Variants in ZCCHC8 observed in about 807,000 individuals in gnomAD.
ZCCHC8 encodes the protein zinc finger CCHC-type containing 8.
A neutral mutation model predicts 70.6 loss-of-function variants in ZCCHC8; 27 were observed. The ratio of observed to expected loss-of-function variants is 0.38; its 90% CI spans 0.28 to 0.53. The LOEUF (loss-of-function observed/expected upper bound fraction) is 0.53, where lower values mean the gene tolerates loss of function less well. ZCCHC8 is among the 20% of genes least tolerant of loss of function. The pLI is 0.81. For synonymous variants in ZCCHC8, 293 were observed against 317.4 expected (o/e 0.92, Z 0.82); for missense variants, 737 against 876.9 (o/e 0.84, Z 2.01).
intron 13 of ZCCHC8, among the ~76,000 whole-genome samples, chr12:122,477,360 T>C (rs1258280703): frequency 6.6e-6 from 1 of 150,796 alleles, no homozygotes; most frequent in Non-Finnish European, 1.5e-5. Flanking sequence ...TTCACCATGT[T>C]TGCCAGGATT....
At chr12:122,476,743 C>T (rs1481229755) in intron 13 of ZCCHC8, among the ~76,000 whole-genome samples, 1 of 152,134 alleles carries the variant, frequency 6.6e-6, no homozygotes, top group Non-Finnish European at 1.5e-5. Flanking sequence ...CAACCATGGG[C>T]CAGGCACGGT....
rs1400291560 is a variant in ZCCHC8, at chr12:122,482,645, T to C, written c.722A>G (p.Asp241Gly). 2 of 1,605,884 alleles carry C rather than the reference T, an allele frequency of 1.2e-6. No individual in the cohort carries two copies. The highest frequency in any genetic ancestry group is 1.7e-6 in the Non-Finnish European group (2 of 1,175,490). Reference protein sequence around the residue: ...NCGSEEHQMKDCPMPRNAARI... With the variant: ...NCGSEEHQMKGCPMPRNAARI... ...ATGAGAAAAATTTACCATTGGGCAA[T>C]CTTTCATTTGGTGTTCTTCAGAACC... The change falls in exon 8 of 14, where the codon GAT becomes GGT. Residue 241 changes from aspartate to glycine, a missense_variant. By Grantham distance (94) the Asp-to-Gly change is moderately conservative. Coordinates refer to ENST00000633063, the MANE Select transcript of ZCCHC8 (RefSeq NM_017612.5).
At position 122,478,256 on chromosome 12, in the gene ZCCHC8, A is replaced by G. The variant is rs1248555902; in HGVS notation, c.1177T>C (p.Cys393Arg). 6.2e-7 allele frequency: 1 copy of G among 1,602,996 alleles called. No individual in the cohort carries two copies. The highest frequency in any genetic ancestry group is 1.3e-5 in the African/African-American group (1 of 74,778). Residue 393 changes from cysteine (C) to arginine (R), a missense_variant, in exon 12 of 14, where the codon TGT becomes CGT. Coordinates refer to ENST00000633063, the MANE Select transcript of ZCCHC8 (RefSeq NM_017612.5). The part of the protein sequence containing the change: ...RIFGSIPMQA[C>R]QQKDVFANYL... ...TTGGCAAACACATCCTTCTGCTGAC[A>G]TGCCTGCATTGGTATGGAACCAAAG...
intron 13 of ZCCHC8, 146 bp downstream of exon 13, chr12:122,477,695 G>A: frequency 1.5e-6 from 1 of 658,344 alleles, no homozygotes; most frequent in South Asian, 1.7e-5. Context: ...GGAGGCTGAG[G>A]CGGGAGAATA....
chr12:122,492,839 G>T, intron 2 of ZCCHC8, 50 bp from the exon 3 acceptor site: 1 of 1,223,974 alleles, frequency 8.2e-7, no homozygotes, highest in Non-Finnish European at 1.2e-6. Flanking sequence ...AGTAAAACTT[G>T]CATACGTATA....
In ZCCHC8 at chr12:122,483,065, C is replaced by T; in HGVS notation, c.671+214G>A. ...TGACAGCAACAATTATACCTTTCCA[C>T]CCACCCAGGCACATTAGGTGAGAAC... is the stretch of plus-strand genomic sequence containing the variant. On this transcript the variant is annotated intron_variant, in intron 7 of 13. Transcript: ENST00000633063. The surrounding 1 kb of genome is among the most constrained non-coding windows in gnomAD (Gnocchi z 4.4). The T allele has an allele frequency of 1.8e-6, 1 of 565,540 alleles. No individual in the cohort carries two copies. Among genetic ancestry groups the T allele is most frequent in the South Asian group, 2.6e-5 (1 of 39,180 alleles). The allele number at this position is 565,540 out of a possible 1,614,324, so 35.0% of individuals were successfully genotyped here.
At chr12:122,488,190 C>A (rs1957678031) in intron 5 of ZCCHC8, among the ~76,000 whole-genome samples, 1 of 152,130 alleles carries the variant, frequency 6.6e-6, no homozygotes, top group Admixed American at 6.6e-5. Flanking sequence ...CACCACCACA[C>A]TTGGCTAATT....
At chr12:122,493,237 A>AT (rs1160177339) in intron 2 of ZCCHC8, among the ~76,000 whole-genome samples, 1 of 152,054 alleles carries the variant, frequency 6.6e-6, no homozygotes, top group Non-Finnish European at 1.5e-5. Flanking sequence ...AAAATTATAC[A>AT]TTTTCACCAA....
Position 122,500,776 on chromosome 12 carries a change from G to A in ZCCHC8, c.65C>T (p.Ser22Leu), listed in dbSNP as rs1019691846. The change falls in exon 1 of 14, where the codon TCG (serine) becomes TTG (leucine). Residue 22 changes from serine to leucine, a missense_variant. By Grantham distance (145) the Ser-to-Leu change is moderately radical. Coordinates refer to ENST00000633063, the MANE Select transcript of ZCCHC8 (RefSeq NM_017612.5). The surrounding 1 kb of genome is among the most constrained non-coding windows in gnomAD (Gnocchi z 4.8). Reference sequence around the variant, plus strand: ...GCGAGTGTGAACGGGCTTCGGAATCGACTCCTCTGGGTGGTCGAACGGCTC... The same window carrying A: ...GCGAGTGTGAACGGGCTTCGGAATCAACTCCTCTGGGTGGTCGAACGGCTC... ...LFEPFDHPEE[S>L]IPKPVHTRFK... 1 of 1,590,622 alleles carries A rather than the reference G, an allele frequency of 6.3e-7. No individual in the cohort carries two copies. Among genetic ancestry groups the A allele is most frequent in the Non-Finnish European group, 8.6e-7 (1 of 1,169,018 alleles).
Position 122,500,485 on chromosome 12 carries a change from T to C in ZCCHC8, c.199+157A>G. The stretch of plus-strand genomic sequence containing the variant: ...CCTGCGCGCCCCGAACCCTAGACTC[T>C]CGGTCCGCCGGCGGGTGACAGAAAG... On this transcript the variant is annotated intron_variant, in intron 1 of 13. Transcript: ENST00000633063. The surrounding 1 kb of genome is among the most constrained non-coding windows in gnomAD (Gnocchi z 4.8). 9.8e-7 allele frequency: 1 copy of C among 1,015,460 alleles called. No homozygotes were observed. The allele number at this position is 1,015,460 out of a possible 1,614,324, so 62.9% of individuals were successfully genotyped here.
intron 13 of ZCCHC8, 116 bp downstream of exon 13, chr12:122,477,725 G>C (rs1957446800): frequency 1.3e-6 from 1 of 774,336 alleles, no homozygotes; most frequent in Admixed American, 2.2e-5. Flanking sequence ...GGGAGGCAGA[G>C]GTTGCGGTGA....
chr12:122,480,443 T>C (rs527360653), intron 10 of ZCCHC8, 132 bp from the exon 11 acceptor site: 18 of 772,508 alleles, frequency 2.3e-5, no homozygotes, highest in East Asian at 1.6e-4. Context: ...TCAATTTTCA[T>C]TATAATTTTT....
At chr12:122,480,126 T>C (rs1248726487) in intron 11 of ZCCHC8, 64 bp downstream of exon 11, 1 of 1,435,044 alleles carries the variant, frequency 7.0e-7, no homozygotes, top group South Asian at 1.3e-5. Flanking sequence ...AGTTAATATT[T>C]TGACCAATCT....
At position 122,477,758 on chromosome 12, in the gene ZCCHC8, C is replaced by G. The variant is rs531139827; in HGVS notation, c.1345+83G>C. ...TGAGCCGAGATCACGCCATTGTACT[C>G]CAGCCTGGGTGACAAGAGTGAGACT... On this transcript the variant is annotated intron_variant, in intron 13 of 13. Coordinates refer to ENST00000633063, the MANE Select transcript of ZCCHC8 (RefSeq NM_017612.5). 2.2e-5 allele frequency: 23 copies of G among 1,062,648 alleles called. No individual in the cohort carries two copies. In the East Asian group the frequency reaches 4.3e-4, roughly 20 times the overall value. The allele number at this position is 1,062,648 out of a possible 1,614,324, so 65.8% of individuals were successfully genotyped here. A position where few individuals can be genotyped will look rare whatever the true frequency, so the allele number is the denominator to read the frequency against.
chr12:122,490,372 TG>T, intron 4 of ZCCHC8, 89 bp downstream of exon 4: 1 of 1,004,798 alleles, frequency 1.0e-6, no homozygotes. Flanking sequence ...TTAATCATTT[TG>T]GTTTTGATTC....
At chr12:122,477,807 A>AG (rs1566286844) in intron 13 of ZCCHC8, 34 bp downstream of exon 13, 7 of 1,461,556 alleles carry the variant, frequency 4.8e-6, no homozygotes, top group Admixed American at 1.8e-5. Context: ...AAAAAAAAAA[A>AG]AGAGAGAAAT....
Position 122,483,297 on chromosome 12 carries a change from A to T in ZCCHC8, c.653T>A (p.Ile218Lys). 1 of 1,599,266 alleles carries T rather than the reference A, an allele frequency of 6.3e-7. No homozygotes were observed. Residue 218 changes from isoleucine (I) to lysine (K), a missense_variant, in exon 7 of 14, where the codon ATA becomes AAA. Transcript: ENST00000633063. The surrounding 1 kb of genome is among the most constrained non-coding windows in gnomAD (Gnocchi z 4.4). Reference protein sequence around the residue: ...SHIVSLEGQEIQVKAKRPKPH... With the variant: ...SHIVSLEGQEKQVKAKRPKPH... ...CACAAACCTTTTTGCCTTTACTTGT[A>T]TTTCTTGCCCTTCTAGAGAAACAAT...
Position 122,477,913 on chromosome 12 carries a change from G to C in ZCCHC8, c.1273C>G (p.Pro425Ala), listed in dbSNP as rs1593314147. The change falls in exon 13 of 14, where the codon CCA becomes GCA. Residue 425 changes from proline to alanine, a missense_variant. Physicochemically the swap from Pro to Ala is conservative, Grantham distance 27. Coordinates refer to ENST00000633063, the MANE Select transcript of ZCCHC8 (RefSeq NM_017612.5). The stretch of plus-strand genomic sequence containing the variant: ...TTCTTCTGCTTCTTTGGACTACCTG[G>C]GCTAGAGTGAGATGAAGACCTCTTG... ...GNKRSSSHSSPGSPKKQKNES... is the reference protein window; with the variant it reads ...GNKRSSSHSSAGSPKKQKNES... The C allele has an allele frequency of 2.5e-6, 4 of 1,613,900 alleles. No individual in the cohort carries two copies. In the East Asian group the frequency reaches 8.9e-5, roughly 36 times the overall value.
chr12:122,486,895 T>C (rs1957653258), intron 5 of ZCCHC8, among the ~76,000 whole-genome samples: 1 of 152,214 alleles, frequency 6.6e-6, no homozygotes, highest in Admixed American at 6.5e-5. Context: ...AGCCCTGCCC[T>C]GGCTTTGCCA....
Sources: gnomAD v4.1 joint callset for allele counts (sites outside exome capture counted in the v4.1 genomes callset) on GRCh38, gnomAD v4.1.1 for gene constraint, Gnocchi (gnomAD v3.1) non-coding constraint, MANE v1.5 for transcripts, NCBI Gene and HGNC (gene_info 2026-07-23, HGNC 2026-07-21) for gene names.